INSYN2B: variants seen among roughly 807,000 people sequenced by gnomAD.
The protein encoded by INSYN2B is inhibitory synaptic factor family member 2B.
Under a neutral mutation model 41.2 loss-of-function variants are expected in INSYN2B, and 16 were observed. That is an observed-to-expected ratio of 0.39 (90% CI 0.26 to 0.59). The LOEUF is 0.59. Among genes scored for constraint, INSYN2B ranks in the 20% least tolerant of loss-of-function variants. INSYN2B has a pLI of 0.57. For missense variants in INSYN2B, 608 were observed against 646.4 expected, an observed-to-expected ratio of 0.94 and a Z score of 0.64; for synonymous variants, 245 against 244.4, an observed-to-expected ratio of 1.00 and a Z score of -0.02.
chr5:169,881,199 T>C (rs185373625), intron 3 of INSYN2B, among the ~76,000 whole-genome samples, 169 bp downstream of exon 3: 41 of 152,322 alleles, frequency 2.7e-4, no homozygotes, highest in African/African-American at 8.7e-4. Flanking sequence ...ATAGACTTTG[T>C]TCTAAGGAAA....
chr5:169,888,114 G>C lies in INSYN2B; in HGVS notation c.-918-3298C>G, dbSNP rs972599631. Reference sequence around the variant, plus strand: ...TCTCGTATTTTTAGACAGAGCCTAGGAAGTTTAGGAAATACAAAATTTTCT... The same window carrying C: ...TCTCGTATTTTTAGACAGAGCCTAGCAAGTTTAGGAAATACAAAATTTTCT... On this transcript the variant is annotated intron_variant, in intron 1 of 3. Transcript: ENST00000377365. Among the ~76,000 whole-genome samples the C allele has an allele frequency of 7.9e-5, 12 of 152,184 alleles. 1 individual carries two copies. The highest frequency in any genetic ancestry group is 2.9e-5 in the Non-Finnish European group (2 of 68,032).
At chr5:169,924,028 C>T (rs1388518858) in intron 1 of INSYN2B, among the ~76,000 whole-genome samples, 1 of 152,134 alleles carries the variant, frequency 6.6e-6, no homozygotes, top group East Asian at 1.9e-4. Context: ...TTGCAAAGGG[C>T]CTGGTAATTG....
intron 1 of INSYN2B, among the ~76,000 whole-genome samples, chr5:169,920,444 G>C (rs776480408): frequency 6.6e-6 from 1 of 152,168 alleles, no homozygotes. Flanking sequence ...GGCAAAGTTT[G>C]TAAGGTGGTT....
intron 1 of INSYN2B, among the ~76,000 whole-genome samples, chr5:169,970,291 G>C (rs1223582586): frequency 6.6e-6 from 1 of 152,238 alleles, no homozygotes; most frequent in East Asian, 1.9e-4. Context: ...TTGCTCAATG[G>C]CTTGTTCTGC....
intron 1 of INSYN2B, among the ~76,000 whole-genome samples, chr5:169,900,898 C>T (rs1258557112): frequency 1.3e-5 from 2 of 152,088 alleles, no homozygotes; most frequent in Non-Finnish European, 2.9e-5. Flanking sequence ...ATTAGGAGTT[C>T]ACCATATATC....
chr5:169,865,353 AG>A (rs1771480627), intron 3 of INSYN2B, among the ~76,000 whole-genome samples: 1 of 152,134 alleles, frequency 6.6e-6, no homozygotes, highest in Non-Finnish European at 1.5e-5. Context: ...CCTGGCCTGT[AG>A]GGAGTGGGTG....
In INSYN2B at chr5:169,883,513, T is replaced by C. The variant is rs1185830602; in HGVS notation, c.386A>G (p.Gln129Arg). The C allele has an allele frequency of 1.3e-6, 2 of 1,551,646 alleles. No homozygotes were observed. Among genetic ancestry groups the C allele is most frequent in the Non-Finnish European group, 1.7e-6 (2 of 1,146,956 alleles). ...KSLVEMPTAS[Q>R]SAIQVNGNLS... ...GTTACCGTTGACCTGGATGGCACTT[T>C]GGGAGGCTGTTGGCATTTCCACCAG... is the stretch of plus-strand genomic sequence containing the variant. Residue 129 changes from glutamine to arginine, a missense_variant, in exon 2 of 4, where the codon CAA (glutamine) becomes CGA (arginine). Coordinates refer to ENST00000377365, the MANE Select transcript of INSYN2B (RefSeq NM_001129891.3).
At chr5:169,864,534 A>G (rs1771416338) in intron 3 of INSYN2B, 75 bp from the exon 4 acceptor site, 10 of 1,147,364 alleles carry the variant, frequency 8.7e-6, no homozygotes, top group South Asian at 3.2e-5. Context: ...CTCAGCCCCA[A>G]CTAATATGGA....
At chr5:169,958,411 A>G (rs1397094002) in intron 1 of INSYN2B, among the ~76,000 whole-genome samples, 1 of 152,184 alleles carries the variant, frequency 6.6e-6, no homozygotes, top group African/African-American at 2.4e-5. Context: ...TGCAAACTCC[A>G]TCATCCGAAT....
At position 169,864,420 on chromosome 5, in the gene INSYN2B, A is replaced by G. The variant is rs910516952; in HGVS notation, c.1461T>C (p.His487=). Reference sequence around the variant, plus strand: ...CTTCCTCCAGACTCTGCAAAACTTCATGGAACCTGCCTTCCTGCTGCCGAA... The same window carrying G: ...CTTCCTCCAGACTCTGCAAAACTTCGTGGAACCTGCCTTCCTGCTGCCGAA... The part of the protein sequence containing the change: ...YDFRQQEGRF[H]EVLQSLEEAE... The change falls in exon 4 of 4, where the codon CAT becomes CAC. Residue 487 remains histidine, a synonymous_variant. Transcript: ENST00000377365. The G allele has an allele frequency of 1.9e-6, 3 of 1,549,780 alleles. No individual in the cohort carries two copies. The highest frequency in any genetic ancestry group is 2.0e-5 in the Admixed American group (1 of 50,722).
chr5:169,945,061 G>T (rs1302323650), intron 1 of INSYN2B, among the ~76,000 whole-genome samples: 1 of 152,210 alleles, frequency 6.6e-6, no homozygotes, highest in African/African-American at 2.4e-5. Context: ...CAGGACAAAA[G>T]AGCATTCACA....
intron 1 of INSYN2B, among the ~76,000 whole-genome samples, chr5:169,922,923 G>T (rs983669755): frequency 6.6e-6 from 1 of 152,194 alleles, no homozygotes; most frequent in African/African-American, 2.4e-5. Flanking sequence ...GTACAGTACA[G>T]TGTTTATTGT....
At chr5:169,935,198 A>G (rs1206358611) in intron 1 of INSYN2B, among the ~76,000 whole-genome samples, 1 of 152,174 alleles carries the variant, frequency 6.6e-6, no homozygotes, top group Admixed American at 6.5e-5. Flanking sequence ...GCAGAGCAGC[A>G]TGCCATTGCC....
chr5:169,891,063 T>C (rs907986721), intron 1 of INSYN2B, among the ~76,000 whole-genome samples: 3 of 152,244 alleles, frequency 2.0e-5, no homozygotes, highest in Non-Finnish European at 4.4e-5. Flanking sequence ...ATCTGGCCCC[T>C]GTCTACCTTC....
chr5:169,979,336 T>C (rs950267309), intron 1 of INSYN2B, among the ~76,000 whole-genome samples: 1 of 152,162 alleles, frequency 6.6e-6, no homozygotes, highest in African/African-American at 2.4e-5. Context: ...ATTTAAGACA[T>C]GGTGGATATG....
At chr5:169,889,331 C>T (rs957143500) in intron 1 of INSYN2B, among the ~76,000 whole-genome samples, 2 of 152,082 alleles carry the variant, frequency 1.3e-5, no homozygotes, top group African/African-American at 4.8e-5. Flanking sequence ...TTTACGGCAG[C>T]TTTAATTTGG....
intron 1 of INSYN2B, among the ~76,000 whole-genome samples, chr5:169,913,715 G>A (rs61486382): frequency 0.044 from 4,896 of 110,112 alleles, 203 homozygotes; most frequent in African/African-American, 0.15. Context: ...CACGCCCTCT[G>A]CCTGGACATT....
intron 1 of INSYN2B, among the ~76,000 whole-genome samples, chr5:169,935,588 G>A (rs537791956): frequency 1.9e-4 from 29 of 152,280 alleles, no homozygotes; most frequent in South Asian, 1.0e-3. Context: ...TGGAGAAGTC[G>A]GAGTTTTATC....
At chr5:169,965,012 C>T (rs1387079244) in intron 1 of INSYN2B, among the ~76,000 whole-genome samples, 3 of 152,200 alleles carry the variant, frequency 2.0e-5, no homozygotes, top group Admixed American at 2.0e-4. Flanking sequence ...GTCTGATTCC[C>T]TTTTGAATCA....
Sources: allele counts gnomAD v4.1 joint callset (sites outside exome capture counted in the v4.1 genomes callset), GRCh38; gene constraint gnomAD v4.1.1; transcripts MANE v1.5; gene names NCBI Gene and HGNC (gene_info 2026-07-23, HGNC 2026-07-21).